The following SSR3 variants were observed in gnomAD, a reference collection of about 807,000 sequenced individuals.
The protein encoded by SSR3 is signal sequence receptor subunit 3, also known as translocon-associated protein subunit gamma.
In SSR3, 10 loss-of-function variants were observed where a neutral mutation model predicts 22.1. The ratio of observed to expected loss-of-function variants is 0.45; its 90% CI spans 0.28 to 0.77. The LOEUF is 0.77. Ranked by LOEUF, SSR3 falls within the 30% of genes least tolerant of loss-of-function variation. The pLI, the probability that SSR3 is intolerant of heterozygous loss-of-function variation, is 0.13. For synonymous variants in SSR3, 104 were observed against 82.5 expected, an observed-to-expected ratio of 1.26 and a Z score of -1.42; for missense variants, 181 against 220.5, an observed-to-expected ratio of 0.82 and a Z score of 1.13.
Position 156,543,106 on chromosome 3 carries a change from A to T in SSR3, c.*97T>A, listed in dbSNP as rs1302027449. On this transcript the variant is annotated 3_prime_UTR_variant, in exon 5 of 5. Transcript: ENST00000265044. ...GGTTTTTTAAAGGCTCTAGACTATA[A>T]AAACATCTTGTGTCTCCCACCCTGA... 1.9e-6 allele frequency: 2 copies of T among 1,046,756 alleles called. No individual in the cohort carries two copies. The highest frequency in any genetic ancestry group is 2.9e-6 in the Non-Finnish European group (2 of 699,112). The allele number at this position is 1,046,756 out of a possible 1,614,324, so 64.8% of individuals were successfully genotyped here. A position where few individuals can be genotyped will look rare whatever the true frequency, so the allele number is the denominator to read the frequency against.
At position 156,543,253 on chromosome 3, in the gene SSR3, T is replaced by G. The variant is rs757676113; in HGVS notation, c.508A>C (p.Ile170Leu). 1 of 1,613,888 alleles carries G rather than the reference T, an allele frequency of 6.2e-7. No homozygotes were observed. Among genetic ancestry groups the G allele is most frequent in the South Asian group, 1.1e-5 (1 of 91,072 alleles). ...FNPTVNYILS[I>L]SASSGLIALL... Reference sequence around the variant, plus strand: ...GCGATGAGTCCTGATGAAGCACTTATGGACAATATGTAGTTCCTGTAAGAA... The same window carrying G: ...GCGATGAGTCCTGATGAAGCACTTAGGGACAATATGTAGTTCCTGTAAGAA... The change falls in exon 5 of 5, where the codon ATA (isoleucine) becomes CTA (leucine). Residue 170 changes from isoleucine (I) to leucine (L), a missense_variant. Coordinates refer to ENST00000265044, the MANE Select transcript of SSR3 (RefSeq NM_007107.5).
Position 156,555,101 on chromosome 3 carries a change from A to G in SSR3, c.-12T>C, listed in dbSNP as rs751145495. On this transcript the variant is annotated 5_prime_UTR_variant, in exon 1 of 5. Coordinates refer to ENST00000265044, the MANE Select transcript of SSR3 (RefSeq NM_007107.5). ...CCTTTAGGAGCCATGGCGGAGCTGC[A>G]GGCGAGAACAGGGAACGTAGAGCCG... is the stretch of plus-strand genomic sequence containing the variant. 7.4e-6 allele frequency: 12 copies of G among 1,612,220 alleles called. No individual in the cohort carries two copies. In the East Asian group the frequency reaches 2.2e-4, roughly 30 times the overall value.
intron 2 of SSR3, 145 bp downstream of exon 2, chr3:156,553,510 A>G: frequency 1.3e-6 from 1 of 791,346 alleles, no homozygotes; most frequent in Non-Finnish European, 1.9e-6. Flanking sequence ...TCTTCCTAGC[A>G]TCAATGTTCC....
chr3:156,551,953 C>T (rs777742777), intron 2 of SSR3, among the ~76,000 whole-genome samples: 2 of 152,092 alleles, frequency 1.3e-5, no homozygotes, highest in Admixed American at 6.5e-5. Flanking sequence ...AGGAAGGAAG[C>T]AGATGACTTG....
chr3:156,553,513 A>AGGGG, intron 2 of SSR3, 142 bp downstream of exon 2: 1 of 811,316 alleles, frequency 1.2e-6, no homozygotes, highest in East Asian at 3.0e-5. Context: ...TCCTAGCATC[A>AGGGG]ATGTTCCTTT....
Position 156,553,697 on chromosome 3 carries a change from A to C in SSR3, c.218T>G (p.Val73Gly), listed in dbSNP as rs761972663. The C allele has an allele frequency of 7.4e-6, 12 of 1,612,556 alleles. No homozygotes were observed. The highest frequency in any genetic ancestry group is 1.0e-5 in the Non-Finnish European group (12 of 1,179,904). Residue 73 changes from valine to glycine, a missense_variant, in exon 2 of 5, where the codon GTA becomes GGA. Val to Gly is a moderately radical substitution (Grantham distance 109, BLOSUM62 -3). Coordinates refer to ENST00000265044, the MANE Select transcript of SSR3 (RefSeq NM_007107.5). Reference protein sequence around the residue: ...SVMTLVSTYLVAFAYKNVKFV... With the variant: ...SVMTLVSTYLGAFAYKNVKFV... ...TTTCACATTCTTGTATGCAAAGGCT[A>C]CCAAATATGTGCTTACTAGGGTCAT...
chr3:156,548,844 C>A (rs762605928), intron 3 of SSR3, 61 bp downstream of exon 3: 355 of 1,578,630 alleles, frequency 2.2e-4, no homozygotes, highest in Non-Finnish European at 2.6e-4. Context: ...AAGCAAAAAT[C>A]AAAAAATTCT....
chr3:156,540,079 T>G lies in SSR3; in HGVS notation c.*3124A>C, dbSNP rs997730024. On this transcript the variant is annotated 3_prime_UTR_variant, in exon 5 of 5. Coordinates refer to ENST00000265044, the MANE Select transcript of SSR3 (RefSeq NM_007107.5). The stretch of plus-strand genomic sequence containing the variant: ...GAAAAAAAAGATGGTTAATGTAAAA[T>G]AATATAATAAAGATTACGTACTTCA... 1.3e-5 allele frequency: 2 copies of G among 152,018 alleles called. No individual in the cohort carries two copies. The highest frequency in any genetic ancestry group is 2.9e-5 in the Non-Finnish European group (2 of 67,976). 9.4% of individuals were successfully genotyped at this position (152,018 alleles called of 1,614,324 possible).
chr3:156,553,412 G>C (rs1720032782), intron 2 of SSR3, among the ~76,000 whole-genome samples: 1 of 152,174 alleles, frequency 6.6e-6, no homozygotes, highest in Non-Finnish European at 1.5e-5. Flanking sequence ...ATTAAGGCCT[G>C]TGTTTAAGTG....
At chr3:156,554,868 C>T (rs1720094038) in intron 1 of SSR3, 89 bp downstream of exon 1, 18 of 1,516,222 alleles carry the variant, frequency 1.2e-5, no homozygotes, top group Non-Finnish European at 1.6e-5. Context: ...CCGGCACCCA[C>T]GCCTTCCCTG....
At chr3:156,550,222 C>T (rs1378717101) in intron 2 of SSR3, among the ~76,000 whole-genome samples, 1 of 152,224 alleles carries the variant, frequency 6.6e-6, no homozygotes, top group East Asian at 1.9e-4. Context: ...ACACAGTTTA[C>T]TGCAGAAACC....
rs74841608 is a variant in SSR3, at chr3:156,543,552, G to A, written c.492-283C>T. Among the ~76,000 whole-genome samples the A allele has an allele frequency of 8.4e-3, 1,274 of 152,238 alleles. 17 individuals carry two copies. Among genetic ancestry groups the A allele is most frequent in the African/African-American group, 0.03 (1,230 of 41,528 alleles). Reference sequence around the variant, plus strand: ...AATCTGAATTCCATTTAACCTTCACGAAGAGCTGATCAAAGAACATGGAGA... The same window carrying A: ...AATCTGAATTCCATTTAACCTTCACAAAGAGCTGATCAAAGAACATGGAGA... On this transcript the variant is annotated intron_variant, in intron 4 of 4. Coordinates refer to ENST00000265044, the MANE Select transcript of SSR3 (RefSeq NM_007107.5).
At chr3:156,546,796 A>C (rs1390649813) in intron 3 of SSR3, among the ~76,000 whole-genome samples, 1 of 152,212 alleles carries the variant, frequency 6.6e-6, no homozygotes, top group Non-Finnish European at 1.5e-5. Flanking sequence ...AGAAGAAACC[A>C]CACTCCCACT....
chr3:156,546,285 G>T (rs1267390548), intron 3 of SSR3, among the ~76,000 whole-genome samples: 1 of 152,192 alleles, frequency 6.6e-6, no homozygotes, highest in Admixed American at 6.5e-5. Flanking sequence ...TGTGTAGAAG[G>T]CACTTGCTTC....
intron 2 of SSR3, among the ~76,000 whole-genome samples, chr3:156,551,849 A>G (rs2108449902): frequency 6.6e-6 from 1 of 152,252 alleles, no homozygotes; most frequent in Non-Finnish European, 1.5e-5. Flanking sequence ...AGTTAATCCT[A>G]AATAGGGTAG....
At chr3:156,548,331 T>C (rs776636344) in intron 3 of SSR3, among the ~76,000 whole-genome samples, 9 of 152,188 alleles carry the variant, frequency 5.9e-5, no homozygotes, top group Non-Finnish European at 8.8e-5. Flanking sequence ...TTATTTTCTT[T>C]TTCCCAACCA....
chr3:156,548,349 T>C (rs762045893), intron 3 of SSR3, among the ~76,000 whole-genome samples: 1 of 152,108 alleles, frequency 6.6e-6, no homozygotes, highest in Admixed American at 6.5e-5. Context: ...CCAATACAGA[T>C]AACTAATTAT....
In SSR3 at chr3:156,553,262, T is replaced by C. The variant is rs1348997278; in HGVS notation, c.260+393A>G. On this transcript the variant is annotated intron_variant, in intron 2 of 4. Coordinates refer to ENST00000265044, the MANE Select transcript of SSR3 (RefSeq NM_007107.5). ...AAGAACTAGACCTTGTCTCAAAAAA[T>C]AATAATGACAAAAAGATCATTTCTT... Among the ~76,000 whole-genome samples, 5 of 112,822 alleles carry C rather than the reference T, an allele frequency of 4.4e-5. No individual in the cohort carries two copies. The Admixed American group carries it at 4.6e-4, about 10-fold the overall frequency. 74.0% of individuals were successfully genotyped at this position (112,822 alleles called of 152,430 possible).
At position 156,543,249 on chromosome 3, in the gene SSR3, C is replaced by T. The variant is rs754178019; in HGVS notation, c.512G>A (p.Ser171Asn). 6.2e-6 allele frequency: 10 copies of T among 1,613,764 alleles called. No individual in the cohort carries two copies. The highest frequency in any genetic ancestry group is 7.6e-6 in the Non-Finnish European group (9 of 1,179,826). Residue 171 changes from serine to asparagine, a missense_variant, in exon 5 of 5, where the codon AGT (serine) becomes AAT (asparagine). By Grantham distance (46) the Ser-to-Asn change is conservative (BLOSUM62 1). Transcript: ENST00000265044. The stretch of plus-strand genomic sequence containing the variant: ...GAGGGCGATGAGTCCTGATGAAGCA[C>T]TTATGGACAATATGTAGTTCCTGTA... ...NPTVNYILSI[S>N]ASSGLIALLS...
Sources: gnomAD v4.1 joint callset for allele counts (sites outside exome capture counted in the v4.1 genomes callset) on GRCh38, gnomAD v4.1.1 for gene constraint, MANE v1.5 for transcripts, NCBI Gene and HGNC (gene_info 2026-07-23, HGNC 2026-07-21) for gene names.